The following SLIT1 variants were observed in gnomAD, a reference collection of about 807,000 sequenced individuals.
SLIT1 encodes slit guidance ligand 1, also known as slit homolog 1 protein.
SLIT1 carries 66 observed loss-of-function variants against 186.1 expected under a neutral mutation model. That is an observed-to-expected ratio of 0.35 (90% CI 0.29 to 0.44). SLIT1 has a LOEUF of 0.44. SLIT1 is among the 20% of genes least tolerant of loss of function. The probability of loss-of-function intolerance (pLI) is 1.00; values close to 1 mark genes in which losing one functional copy is unlikely to be tolerated. For synonymous variants in SLIT1, 761 were observed against 833.8 expected (o/e 0.91, Z 1.50); for missense variants, 1,638 against 2,037.4 (o/e 0.80, Z 3.77).
intron 35 of SLIT1, 91 bp from the exon 36 acceptor site, chr10:97,002,460 C>CTGACA: frequency 2.0e-6 from 2 of 993,376 alleles, no homozygotes; most frequent in African/African-American, 3.2e-5. Context: ...CCCACCCCAC[C>CTGACA]CAGCCCTGAC....
intron 4 of SLIT1, among the ~76,000 whole-genome samples, chr10:97,076,547 A>G (rs1849047660): frequency 6.6e-6 from 1 of 151,520 alleles, no homozygotes; most frequent in South Asian, 2.1e-4. Context: ...CCAGCCCATG[A>G]AACAACACTC....
chr10:97,131,998 A>G (rs1849658989), intron 4 of SLIT1, among the ~76,000 whole-genome samples: 1 of 152,216 alleles, frequency 6.6e-6, no homozygotes, highest in Non-Finnish European at 1.5e-5. Flanking sequence ...TGAAATATGT[A>G]GAACTGTTTT....
intron 4 of SLIT1, chr10:97,157,474 A>G (rs957477319): frequency 3.4e-6 from 1 of 297,446 alleles, no homozygotes; most frequent in Non-Finnish European, 6.2e-6. Context: ...CAGGTTACTA[A>G]AGGCGCAGTG....
intron 4 of SLIT1, among the ~76,000 whole-genome samples, chr10:97,109,873 C>A (rs1453704231): frequency 6.6e-6 from 1 of 152,172 alleles, no homozygotes; most frequent in Admixed American, 6.5e-5. Context: ...GTCCTCCTGG[C>A]TCTTCTCTTG....
At chr10:97,151,433 G>A (rs1330718450) in intron 4 of SLIT1, among the ~76,000 whole-genome samples, 2 of 151,786 alleles carry the variant, frequency 1.3e-5, no homozygotes, top group Non-Finnish European at 2.9e-5. Flanking sequence ...TGCTGGATGG[G>A]AGAATGGATG....
intron 23 of SLIT1, among the ~76,000 whole-genome samples, chr10:97,032,386 T>C (rs926040727): frequency 5.3e-5 from 8 of 151,978 alleles, no homozygotes; most frequent in Admixed American, 4.6e-4. Flanking sequence ...CTGACCGACA[T>C]GGCAAAACCC....
Position 97,164,870 on chromosome 10 carries a change from ATGT to A in SLIT1, c.215_217del (p.Asn72del). The A allele has an allele frequency of 6.2e-7, 1 of 1,613,556 alleles. No homozygotes were observed. Among genetic ancestry groups the A allele is most frequent in the South Asian group, 1.1e-5 (1 of 91,074 alleles). ...AAAGTCATTCTTATGGATCCGAGTG[ATGT>A]TGTTGCCATTGAGTTCCCTGGAGGA... is the stretch of plus-strand genomic sequence containing the variant. On this transcript the variant is annotated inframe_deletion, in exon 2 of 37. Transcript: ENST00000266058.
At chr10:97,057,976 A>G (rs1213564274) in intron 11 of SLIT1, 1 of 717,368 alleles carries the variant, frequency 1.4e-6, no homozygotes, top group Non-Finnish European at 2.6e-6. Context: ...CTGAGTAAAA[A>G]ATCCTGGGTA....
intron 1 of SLIT1, among the ~76,000 whole-genome samples, chr10:97,165,494 A>G (rs553114400): frequency 9.2e-5 from 14 of 152,190 alleles, no homozygotes; most frequent in African/African-American, 3.4e-4. Flanking sequence ...ACAAGGAAGA[A>G]CTGCACACGA....
chr10:97,153,633 C>T (rs1849908146), intron 4 of SLIT1: 1 of 152,256 alleles, frequency 6.6e-6, no homozygotes, highest in Non-Finnish European at 1.5e-5. Context: ...CTGCCAACAG[C>T]TCACTGGCCT....
chr10:97,173,818 G>A (rs1850222239), intron 1 of SLIT1, among the ~76,000 whole-genome samples: 1 of 152,212 alleles, frequency 6.6e-6, no homozygotes, highest in African/African-American at 2.4e-5. Context: ...GGCAGAGTGA[G>A]CACAGAATCT....
In SLIT1 at chr10:97,183,326, A is replaced by C. The variant is rs537888807; in HGVS notation, c.197+2152T>G. ...GCACCCAGGGCAGTTCCTGGCTCCG[A>C]AACATTTGCTGAATTAAAATAATGA... On this transcript the variant is annotated intron_variant, in intron 1 of 36. Transcript: ENST00000266058. Among the ~76,000 whole-genome samples, 4 of 152,302 alleles carry C rather than the reference A, an allele frequency of 2.6e-5. No homozygotes were observed. The East Asian group carries it at 7.7e-4, about 29-fold the overall frequency.
At chr10:97,151,781 C>G (rs1473125759) in intron 4 of SLIT1, among the ~76,000 whole-genome samples, 1 of 152,112 alleles carries the variant, frequency 6.6e-6, no homozygotes, top group Non-Finnish European at 1.5e-5. Context: ...TCAGGTATAT[C>G]TGTAAGTTGC....
chr10:97,051,578 G>A (rs1386752181), intron 13 of SLIT1, among the ~76,000 whole-genome samples: 10 of 152,274 alleles, frequency 6.6e-5, no homozygotes, highest in South Asian at 2.1e-4. Flanking sequence ...TTGTGAGGCC[G>A]AGGTGGGTGG....
intron 25 of SLIT1, among the ~76,000 whole-genome samples, chr10:97,029,415 T>C (rs1848572708): frequency 6.6e-6 from 1 of 152,136 alleles, no homozygotes; most frequent in African/African-American, 2.4e-5. Flanking sequence ...TTTTAGGGCT[T>C]GAGGATGGGG....
At chr10:97,045,199 C>A (rs1476562478) in intron 18 of SLIT1, among the ~76,000 whole-genome samples, 1 of 150,852 alleles carries the variant, frequency 6.6e-6, no homozygotes, top group African/African-American at 2.4e-5. Flanking sequence ...ATCAATACAA[C>A]ATTGCTTATA....
chr10:97,041,174 G>A (rs1848687329), intron 20 of SLIT1, among the ~76,000 whole-genome samples: 1 of 152,186 alleles, frequency 6.6e-6, no homozygotes, highest in African/African-American at 2.4e-5. Context: ...AGGGGAGAGT[G>A]GAATATATAC....
intron 28 of SLIT1, among the ~76,000 whole-genome samples, chr10:97,015,245 A>C (rs1361816775): frequency 6.6e-6 from 1 of 152,220 alleles, no homozygotes; most frequent in Non-Finnish European, 1.5e-5. Flanking sequence ...AAAGGTGGGC[A>C]TGCTTCCAGG....
intron 4 of SLIT1, among the ~76,000 whole-genome samples, chr10:97,135,750 A>C (rs1849696954): frequency 2.6e-5 from 4 of 152,182 alleles, no homozygotes; most frequent in Admixed American, 1.3e-4. Flanking sequence ...AGGGGATGTA[A>C]ACAGCCACGG....
Sources: gnomAD v4.1 joint callset for allele counts (sites outside exome capture counted in the v4.1 genomes callset) on GRCh38, gnomAD v4.1.1 for gene constraint, MANE v1.5 for transcripts, NCBI Gene and HGNC (gene_info 2026-07-23, HGNC 2026-07-21) for gene names.